The following RIOX2 variants were observed in gnomAD, a reference collection of about 807,000 sequenced individuals.
RIOX2 encodes 60S ribosomal protein L27a histidine hydroxylase.
A neutral mutation model predicts 51.2 loss-of-function variants in RIOX2; 43 were observed. That is an observed-to-expected ratio of 0.84 (90% CI 0.66 to 1.08). The LOEUF is 1.08. Among genes scored for constraint, RIOX2 ranks in the 50% least tolerant of loss-of-function variants. RIOX2 has a pLI of 0.00. For synonymous variants in RIOX2, 226 were observed against 218.5 expected (o/e 1.03, Z -0.30); for missense variants, 566 against 561.7 (o/e 1.01, Z -0.08).
intron 2 of RIOX2, 125 bp downstream of exon 2, chr3:97,967,037 T>G: frequency 1.0e-6 from 1 of 962,116 alleles, no homozygotes; most frequent in Non-Finnish European, 1.6e-6. Context: ...AAAGAGGTGC[T>G]ACCCCTTCTC....
Position 97,942,525 on chromosome 3 carries a change from C to A in RIOX2, c.*2659G>T. On this transcript the variant is annotated 3_prime_UTR_variant, in exon 10 of 10. Transcript: ENST00000394198. Reference sequence around the variant, plus strand: ...TCTCCTCATTTTGGGTAAAGGACATCCTTATGTATAAGAGAAATGTTAAGT... The same window carrying A: ...TCTCCTCATTTTGGGTAAAGGACATACTTATGTATAAGAGAAATGTTAAGT... The A allele has an allele frequency of 3.3e-6, 4 of 1,219,316 alleles. No homozygotes were observed. The highest frequency in any genetic ancestry group is 3.8e-5 in the South Asian group (2 of 52,762). 75.5% of individuals were successfully genotyped at this position (1,219,316 alleles called of 1,614,324 possible). A position where few individuals can be genotyped will look rare whatever the true frequency, so the allele number is the denominator to read the frequency against.
Position 97,949,969 on chromosome 3 carries a change from A to G in RIOX2, c.935T>C (p.Leu312Pro). ...CTCCAGCCGGTCTGCAAGTGTCCTC[A>G]GGAAGCCACTTAATCGTCTTGTAGC... is the stretch of plus-strand genomic sequence containing the variant. ...TVATRRLSGF[L>P]RTLADRLEGT... Residue 312 changes from leucine to proline, a missense_variant, in exon 7 of 10, where the codon CTG becomes CCG. Coordinates refer to ENST00000394198, the MANE Select transcript of RIOX2 (RefSeq NM_153182.4). The G allele has an allele frequency of 6.2e-7, 1 of 1,613,990 alleles. No individual in the cohort carries two copies.
In RIOX2 at chr3:97,959,145, C is replaced by G. The variant is rs1257028614; in HGVS notation, c.587G>C (p.Trp196Ser). 1 of 1,614,032 alleles carries G rather than the reference C, an allele frequency of 6.2e-7. No individual in the cohort carries two copies. Among genetic ancestry groups the G allele is most frequent in the Admixed American group, 1.7e-5 (1 of 60,012 alleles). Residue 196 changes from tryptophan to serine, a missense_variant, in exon 4 of 10, where the codon TGG becomes TCG. Physicochemically the swap from Trp to Ser is radical, Grantham distance 177 (BLOSUM62 -3). Transcript: ENST00000394198. ...GGGCACAGTGGGGTGGTAGAGGCGC[C>G]AGTGTTTCTCTCCCTCCAGCTGCAG... is the stretch of plus-strand genomic sequence containing the variant. ...FILQLEGEKH[W>S]RLYHPTVPLA...
chr3:97,964,149 C>T (rs1043543632), intron 2 of RIOX2, among the ~76,000 whole-genome samples: 4 of 152,178 alleles, frequency 2.6e-5, no homozygotes, highest in Non-Finnish European at 5.9e-5. Flanking sequence ...TCTCTCCCGG[C>T]TGGCTGTGAC....
chr3:97,947,601 C>T (rs2040396119), intron 7 of RIOX2, 152 bp from the exon 8 acceptor site: 2 of 633,882 alleles, frequency 3.2e-6, no homozygotes, highest in Middle Eastern at 2.5e-4. Flanking sequence ...TTTGCTTACC[C>T]CAACATTGTA....
At chr3:97,959,956 C>G (rs1160280789) in intron 3 of RIOX2, among the ~76,000 whole-genome samples, 1 of 152,174 alleles carries the variant, frequency 6.6e-6, no homozygotes, top group Non-Finnish European at 1.5e-5. Flanking sequence ...TATTGTACTA[C>G]TGTAATAATT....
At position 97,942,663 on chromosome 3, in the gene RIOX2, A is replaced by G. The variant is rs1024018007; in HGVS notation, c.*2521T>C. 13 of 420,522 alleles carry G rather than the reference A, an allele frequency of 3.1e-5. No homozygotes were observed. Among genetic ancestry groups the G allele is most frequent in the African/African-American group, 2.2e-4 (11 of 49,164 alleles). The allele number at this position is 420,522 out of a possible 1,614,324, so 26.0% of individuals were successfully genotyped here. ...GTTTTTGTTCATTAGTACAGTTGTA[A>G]AACTTTCATTTGCTACGTGAACTCA... On this transcript the variant is annotated 3_prime_UTR_variant, in exon 10 of 10. Transcript: ENST00000394198.
chr3:97,962,365 C>A (rs1443599135), intron 2 of RIOX2, among the ~76,000 whole-genome samples: 3 of 111,978 alleles, frequency 2.7e-5, no homozygotes, highest in Admixed American at 8.9e-5. Context: ...GACCCCCCCC[C>A]CCCCCCCCAC....
At chr3:97,950,997 C>T in intron 5 of RIOX2, 109 bp from the exon 6 acceptor site, 1 of 738,210 alleles carries the variant, frequency 1.4e-6, no homozygotes, top group Non-Finnish European at 2.3e-6. Context: ...TGGATTATGG[C>T]TTCCCTGTCC....
rs1379843251 is a variant in RIOX2 at position 97,967,628 on chromosome 3, C to A, written c.-35G>T. The A allele has an allele frequency of 4.0e-6, 6 of 1,517,698 alleles. No homozygotes were observed. The highest frequency in any genetic ancestry group is 5.3e-6 in the Non-Finnish European group (6 of 1,141,000). The allele number at this position is 1,517,698 out of a possible 1,614,324, so 94.0% of individuals were successfully genotyped here. A position where few individuals can be genotyped will look rare whatever the true frequency, so the allele number is the denominator to read the frequency against. On this transcript the variant is annotated 5_prime_UTR_variant, in exon 2 of 10. Transcript: ENST00000394198. ...TTCAAGACAAAGCAGTAAGGAAATG[C>A]AAACCTACCAAAAGAACAAAACACA... is the stretch of plus-strand genomic sequence containing the variant.
At position 97,943,388 on chromosome 3, in the gene RIOX2, TG is replaced by T; in HGVS notation, c.*1795del. 1.2e-6 allele frequency: 1 copy of T among 868,138 alleles called. No homozygotes were observed. Among genetic ancestry groups the T allele is most frequent in the Non-Finnish European group, 1.9e-6 (1 of 532,910 alleles). The allele number at this position is 868,138 out of a possible 1,614,324, so 53.8% of individuals were successfully genotyped here. ...CACATCTGTCATTGTCTTGTGGACGTGGAAAGGAAGCTACTGTCCTCACACT... is the reference window on the plus strand; with the variant it reads ...CACATCTGTCATTGTCTTGTGGACGTGAAAGGAAGCTACTGTCCTCACACT... On this transcript the variant is annotated 3_prime_UTR_variant, in exon 10 of 10. Transcript: ENST00000394198.
At chr3:97,963,705 C>T (rs1018670528) in intron 2 of RIOX2, among the ~76,000 whole-genome samples, 2 of 152,026 alleles carry the variant, frequency 1.3e-5, no homozygotes, top group Non-Finnish European at 2.9e-5. Context: ...TTATGGTTCC[C>T]GACCCAACTA....
chr3:97,962,310 A>C (rs1705709786), intron 2 of RIOX2, among the ~76,000 whole-genome samples: 1 of 151,068 alleles, frequency 6.6e-6, no homozygotes, highest in Non-Finnish European at 1.5e-5. Flanking sequence ...TTTTCAGGAC[A>C]AAAAAAAGAG....
chr3:97,969,269 C>T (rs1470290036), intron 1 of RIOX2, among the ~76,000 whole-genome samples: 2 of 152,026 alleles, frequency 1.3e-5, no homozygotes, highest in African/African-American at 4.8e-5. Context: ...GTCAGTAAGA[C>T]ACATTTTCTG....
chr3:97,962,356 ACCCC>A lies in RIOX2; in HGVS notation c.433-652_433-649del, dbSNP rs10542689. Among the ~76,000 whole-genome samples the A allele has an allele frequency of 2.9e-3, 206 of 70,216 alleles. 3 individuals carry two copies. Among genetic ancestry groups the A allele is most frequent in the African/African-American group, 8.3e-3 (159 of 19,134 alleles). 46.1% of individuals were successfully genotyped at this position (70,216 alleles called of 152,430 possible). On this transcript the variant is annotated intron_variant, in intron 2 of 9. Transcript: ENST00000394198. ...GGAATGTTAAGTTTGGAATGCTAAG[ACCCC>A]CCCCCCCCCCCCCACATGGAGATGT...
rs1293855985 is a variant in RIOX2, at chr3:97,942,072, T to G, written c.*3112A>C. 2 of 357,530 alleles carry G rather than the reference T, an allele frequency of 5.6e-6. No individual in the cohort carries two copies. The highest frequency in any genetic ancestry group is 4.6e-5 in the Admixed American group (1 of 21,908). The allele number at this position is 357,530 out of a possible 1,614,324, so 22.1% of individuals were successfully genotyped here. On this transcript the variant is annotated 3_prime_UTR_variant, in exon 10 of 10. Coordinates refer to ENST00000394198, the MANE Select transcript of RIOX2 (RefSeq NM_153182.4). ...TCCTATTAAAAACAAGTACCTCTAT[T>G]TCAGTTGGTTTATTTCTGTACCATC...
rs376622746 is a variant in RIOX2, at chr3:97,972,363, C to G, written c.-40+18G>C. ...GCCTGCCCCGGCGCTGGGATGCCCA[C>G]GAGAGCGCCCCACTCACCCGGCACG... On this transcript the variant is annotated intron_variant, in intron 1 of 9. Coordinates refer to ENST00000394198, the MANE Select transcript of RIOX2 (RefSeq NM_153182.4). 3.5e-4 allele frequency: 53 copies of G among 151,942 alleles called. No individual in the cohort carries two copies. The highest frequency in any genetic ancestry group is 1.2e-3 in the African/African-American group (50 of 41,536). 9.4% of individuals were successfully genotyped at this position (151,942 alleles called of 1,614,324 possible).
At position 97,967,540 on chromosome 3, in the gene RIOX2, G is replaced by A. The variant is rs750387483; in HGVS notation, c.54C>T (p.Pro18=). The change falls in exon 2 of 10, where the codon CCC becomes CCT. Residue 18 remains proline (P), a synonymous_variant. Transcript: ENST00000394198. The part of the protein sequence containing the change: ...TGSGKEEGPA[P]CKQMKLEAAG... ...CTGCTTCTAACTTCATCTGCTTACA[G>A]GGAGCCGGCCCCTCTTCCTTCCCAC... 3.1e-6 allele frequency: 5 copies of A among 1,613,508 alleles called. No individual in the cohort carries two copies. The East Asian group carries it at 6.7e-5, about 22-fold the overall frequency.
chr3:97,952,102 T>A (rs1705274957), intron 5 of RIOX2: 6 of 1,110,172 alleles, frequency 5.4e-6, no homozygotes, highest in South Asian at 1.3e-5. Context: ...CCCCAAACAC[T>A]CCAACAATGC....
Sources: allele counts gnomAD v4.1 joint callset (sites outside exome capture counted in the v4.1 genomes callset), GRCh38; gene constraint gnomAD v4.1.1; transcripts MANE v1.5; gene names NCBI Gene and HGNC (gene_info 2026-07-23, HGNC 2026-07-21).